Variants in RALA observed in about 807,000 individuals in gnomAD.
RALA encodes the protein RAS like proto-oncogene A.
In RALA, 5 loss-of-function variants were observed where a neutral mutation model predicts 24.0. The observed-to-expected ratio is 0.21, with a 90% confidence interval of 0.11 to 0.44. The LOEUF is 0.44. Ranked by LOEUF, RALA falls within the 20% of genes least tolerant of loss-of-function variation. The pLI is 0.99. For missense variants in RALA, 95 were observed against 241.2 expected (o/e 0.39, Z 4.01); for synonymous variants, 77 against 83.8 (o/e 0.92, Z 0.44).
At chr7:39,669,648 C>A (rs940474260) in intron 1 of RALA, among the ~76,000 whole-genome samples, 1 of 150,968 alleles carries the variant, frequency 6.6e-6, no homozygotes, top group African/African-American at 2.4e-5. Flanking sequence ...CCTGTCTGTA[C>A]AAAAAAAATA....
chr7:39,646,350 A>G (rs1583713248), intron 1 of RALA, among the ~76,000 whole-genome samples: 2 of 152,236 alleles, frequency 1.3e-5, no homozygotes, highest in Admixed American at 1.3e-4. Context: ...ATTAGATTGA[A>G]CAGACTGGGC....
intron 1 of RALA, among the ~76,000 whole-genome samples, chr7:39,655,676 T>C (rs1041561672): frequency 5.3e-5 from 8 of 152,214 alleles, no homozygotes; most frequent in Non-Finnish European, 1.2e-4. Context: ...AATAATTGAT[T>C]GTTGTAAACT....
chr7:39,666,678 T>G (rs1792291372), intron 1 of RALA, among the ~76,000 whole-genome samples: 1 of 152,218 alleles, frequency 6.6e-6, no homozygotes, highest in African/African-American at 2.4e-5. Context: ...CTTTATATTT[T>G]CTTTCTTTCT....
intron 1 of RALA, among the ~76,000 whole-genome samples, chr7:39,634,750 C>G (rs908925118): frequency 6.6e-6 from 1 of 151,954 alleles, no homozygotes; most frequent in African/African-American, 2.4e-5. Flanking sequence ...TTCTTAGTCC[C>G]TAAGAATAAA....
chr7:39,654,841 C>G (rs529943685), intron 1 of RALA, among the ~76,000 whole-genome samples: 1 of 152,180 alleles, frequency 6.6e-6, no homozygotes, highest in African/African-American at 2.4e-5. Context: ...GACTCGCTTT[C>G]CCAGGCCCAA....
intron 2 of RALA, among the ~76,000 whole-genome samples, chr7:39,687,254 C>T (rs1016030208): frequency 5.3e-5 from 8 of 151,958 alleles, no homozygotes; most frequent in African/African-American, 1.9e-4. Flanking sequence ...GGTGAAACCC[C>T]GTCTATACTA....
At chr7:39,699,118 G>GTTT (rs1209729467) in intron 4 of RALA, among the ~76,000 whole-genome samples, 57 of 84,138 alleles carry the variant, frequency 6.8e-4, no homozygotes, top group Admixed American at 9.4e-4. Flanking sequence ...TGCTAAAAAT[G>GTTT]TTATTTTTTT....
chr7:39,678,134 G>A (rs1792521675), intron 1 of RALA, among the ~76,000 whole-genome samples: 2 of 150,064 alleles, frequency 1.3e-5, no homozygotes, highest in Admixed American at 1.3e-4. Flanking sequence ...CATGGCACAT[G>A]TATACATATG....
intron 3 of RALA, among the ~76,000 whole-genome samples, chr7:39,693,788 G>C (rs551281810): frequency 1.5e-4 from 23 of 152,340 alleles, no homozygotes; most frequent in Admixed American, 1.5e-3. Flanking sequence ...GTACGTCTTA[G>C]CCTGCATCAC....
At chr7:39,656,719 G>A (rs187679592) in intron 1 of RALA, among the ~76,000 whole-genome samples, 3 of 152,338 alleles carry the variant, frequency 2.0e-5, no homozygotes, top group Non-Finnish European at 2.9e-5. Context: ...CAGCATGACA[G>A]ATTGGTGAAT....
In RALA at chr7:39,623,726, G is replaced by T. The variant is rs2115893074; in HGVS notation, c.-137G>T. 6.5e-6 allele frequency: 1 copy of T among 153,250 alleles called. No homozygotes were observed. The highest frequency in any genetic ancestry group is 6.5e-5 in the Admixed American group (1 of 15,306). 9.5% of individuals were successfully genotyped at this position (153,250 alleles called of 1,614,324 possible). On this transcript the variant is annotated 5_prime_UTR_variant, in exon 1 of 5. Transcript: ENST00000005257. This position sits in a 1 kb window ranked among gnomAD's most constrained non-coding sequence, Gnocchi z 4.9. ...GACTCCTCCTTCGACCGCTCCCGGC[G>T]CGGGGCCTTCCAGGCGACAAGGACC...
chr7:39,699,921 C>T (rs184702830), intron 4 of RALA, among the ~76,000 whole-genome samples: 2 of 152,118 alleles, frequency 1.3e-5, no homozygotes, highest in African/African-American at 2.4e-5. Flanking sequence ...GCCTCCATGT[C>T]GGTGGGCTCT....
chr7:39,686,232 C>T (rs1387121462), intron 1 of RALA, among the ~76,000 whole-genome samples: 2 of 145,942 alleles, frequency 1.4e-5, no homozygotes, highest in Non-Finnish European at 3.0e-5. Context: ...AAGGAAGAAA[C>T]ATCTCTTTAA....
chr7:39,677,397 T>C (rs1288074074), intron 1 of RALA, among the ~76,000 whole-genome samples: 1 of 139,710 alleles, frequency 7.2e-6, no homozygotes, highest in African/African-American at 2.7e-5. Flanking sequence ...TCATTTTTTA[T>C]GGCTGCATAG....
chr7:39,632,313 T>A (rs1791611094), intron 1 of RALA, among the ~76,000 whole-genome samples: 1 of 152,238 alleles, frequency 6.6e-6, no homozygotes, highest in Non-Finnish European at 1.5e-5. Context: ...TGTTTATGCC[T>A]TTAACTATTT....
chr7:39,648,511 A>G (rs1427993736), intron 1 of RALA, among the ~76,000 whole-genome samples: 2 of 152,148 alleles, frequency 1.3e-5, no homozygotes, highest in African/African-American at 2.4e-5. Flanking sequence ...TGGAGATACA[A>G]CAGTAAATAC....
chr7:39,661,733 A>C (rs189226794), intron 1 of RALA, among the ~76,000 whole-genome samples: 1 of 152,268 alleles, frequency 6.6e-6, no homozygotes, highest in East Asian at 1.9e-4. Context: ...TTCCAGACTC[A>C]TGGTGCAAGC....
chr7:39,679,988 C>T (rs1043603948), intron 1 of RALA, among the ~76,000 whole-genome samples: 7 of 152,060 alleles, frequency 4.6e-5, no homozygotes, highest in Admixed American at 1.3e-4. Flanking sequence ...CGTGAGCCAC[C>T]GCGCCTGGCC....
chr7:39,668,336 A>G (rs891524384), intron 1 of RALA, among the ~76,000 whole-genome samples: 10 of 152,242 alleles, frequency 6.6e-5, no homozygotes, highest in Non-Finnish European at 1.0e-4. Context: ...CTTAGAGTCT[A>G]TCTCATGGAA....
Sources: gnomAD v4.1 joint callset for allele counts (sites outside exome capture counted in the v4.1 genomes callset) on GRCh38, gnomAD v4.1.1 for gene constraint, Gnocchi (gnomAD v3.1) non-coding constraint, MANE v1.5 for transcripts, NCBI Gene and HGNC (gene_info 2026-07-23, HGNC 2026-07-21) for gene names.